Variants in FAM222B observed in about 807,000 individuals in gnomAD.
FAM222B encodes the protein protein FAM222B.
Under a neutral mutation model 38.0 loss-of-function variants are expected in FAM222B, and 12 were observed. That is an observed-to-expected ratio of 0.32 (90% CI 0.20 to 0.51). The LOEUF is 0.51. Among genes scored for constraint, FAM222B ranks in the 20% least tolerant of loss-of-function variants. FAM222B has a pLI of 0.97. For synonymous variants in FAM222B, 329 were observed against 317.2 expected (o/e 1.04, Z -0.40); for missense variants, 716 against 754.2 (o/e 0.95, Z 0.59).
At chr17:28,813,868 T>C (rs897733498) in intron 1 of FAM222B, among the ~76,000 whole-genome samples, 18 of 150,476 alleles carry the variant, frequency 1.2e-4, no homozygotes, top group Non-Finnish European at 2.2e-4. Flanking sequence ...TTTTAAACAC[T>C]GTGGTATATT....
At chr17:28,771,638 G>A (rs1332616966) in intron 1 of FAM222B, among the ~76,000 whole-genome samples, 2 of 152,092 alleles carry the variant, frequency 1.3e-5, no homozygotes, top group Non-Finnish European at 2.9e-5. Context: ...CTGAGATTTT[G>A]CCACTGCACA....
chr17:28,787,949 C>T (rs1013614022), intron 1 of FAM222B, among the ~76,000 whole-genome samples: 1 of 151,676 alleles, frequency 6.6e-6, no homozygotes, highest in Non-Finnish European at 1.5e-5. Context: ...CTCAGCCTCC[C>T]GAGTGGCTAG....
chr17:28,853,937 GTTTCTT>G (rs1274451879), intron 1 of FAM222B, among the ~76,000 whole-genome samples: 4 of 135,946 alleles, frequency 2.9e-5, no homozygotes, highest in Non-Finnish European at 4.7e-5. Flanking sequence ...GTTTATCTCT[GTTTCTT>G]TTTTTTTTTT....
At chr17:28,801,688 C>T (rs1347700566) in intron 1 of FAM222B, among the ~76,000 whole-genome samples, 2 of 151,990 alleles carry the variant, frequency 1.3e-5, no homozygotes, top group Non-Finnish European at 2.9e-5. Flanking sequence ...AGGGTCCATA[C>T]AGGAACCCAG....
At chr17:28,764,645 G>A (rs1421724018) in intron 2 of FAM222B, among the ~76,000 whole-genome samples, 1 of 150,908 alleles carries the variant, frequency 6.6e-6, no homozygotes, top group Non-Finnish European at 1.5e-5. Flanking sequence ...CTACTCAAGA[G>A]GCTGAGGTAG....
intron 1 of FAM222B, among the ~76,000 whole-genome samples, chr17:28,841,892 T>G (rs111483545): frequency 2.0e-5 from 3 of 152,214 alleles, no homozygotes; most frequent in South Asian, 2.1e-4. Context: ...TGGTCTGCTG[T>G]GCCCATAAAG....
rs532126220 is a variant in FAM222B at position 28,759,414 on chromosome 17, T to C, written c.545A>G (p.Gln182Arg). The change falls in exon 3 of 3, where the codon CAG (glutamine) becomes CGG (arginine). Residue 182 changes from glutamine (Q) to arginine (R), a missense_variant. Physicochemically the swap from Gln to Arg is conservative, Grantham distance 43 (BLOSUM62 1). Coordinates refer to ENST00000581407, the MANE Select transcript of FAM222B (RefSeq NM_001077498.3). The surrounding 1 kb of genome is among the most constrained non-coding windows in gnomAD (Gnocchi z 4.8). ...LQHPQGIPPP[Q>R]ALSHPQSLQQ... ...GAGGCTCTGAGGGTGGGACAGTGCCTGGGGTGGCGGGATACCCTGAGGGTG... is the reference window on the plus strand; with the variant it reads ...GAGGCTCTGAGGGTGGGACAGTGCCCGGGGTGGCGGGATACCCTGAGGGTG... 6.3e-7 allele frequency: 1 copy of C among 1,575,864 alleles called. No homozygotes were observed. Among genetic ancestry groups the C allele is most frequent in the Non-Finnish European group, 8.6e-7 (1 of 1,166,036 alleles).
At chr17:28,809,700 G>A (rs997758673) in intron 1 of FAM222B, among the ~76,000 whole-genome samples, 1 of 152,108 alleles carries the variant, frequency 6.6e-6, no homozygotes, top group Non-Finnish European at 1.5e-5. Flanking sequence ...GGCGTGGAGG[G>A]GTGCAGTGGC....
intron 1 of FAM222B, among the ~76,000 whole-genome samples, chr17:28,842,466 C>A (rs2039078497): frequency 6.6e-6 from 1 of 152,172 alleles, no homozygotes; most frequent in African/African-American, 2.4e-5. Context: ...CTTCACTCCA[C>A]AGCACGCAAC....
intron 1 of FAM222B, among the ~76,000 whole-genome samples, chr17:28,770,940 T>C (rs1250850679): frequency 6.6e-6 from 1 of 150,582 alleles, no homozygotes; most frequent in African/African-American, 2.4e-5. Flanking sequence ...TAAGAGGCAA[T>C]TATATATATA....
intron 1 of FAM222B, among the ~76,000 whole-genome samples, chr17:28,850,812 A>T (rs2152638158): frequency 6.6e-6 from 1 of 152,202 alleles, no homozygotes; most frequent in African/African-American, 2.4e-5. Context: ...TCTTTCTATA[A>T]AAATCAAAAA....
rs571672083 is a variant in FAM222B at position 28,767,801 on chromosome 17, A to T, written c.-40-1094T>A. ...GAACTCACTTTTAAATGGAAGGAGG[A>T]AAGCATCCTAGGAGGCACAATTAAC... On this transcript the variant is annotated intron_variant, in intron 1 of 2. Coordinates refer to ENST00000581407, the MANE Select transcript of FAM222B (RefSeq NM_001077498.3). Among the ~76,000 whole-genome samples, 7 of 152,150 alleles carry T rather than the reference A, an allele frequency of 4.6e-5. No homozygotes were observed. In the South Asian group the frequency reaches 1.2e-3, roughly 27 times the overall value.
At chr17:28,813,926 C>A (rs955368136) in intron 1 of FAM222B, among the ~76,000 whole-genome samples, 4 of 151,614 alleles carry the variant, frequency 2.6e-5, no homozygotes, top group Non-Finnish European at 5.9e-5. Context: ...TTTAAGAAAA[C>A]TGGCCGGGCG....
chr17:28,815,450 G>A (rs915119345), intron 1 of FAM222B, among the ~76,000 whole-genome samples: 8 of 151,994 alleles, frequency 5.3e-5, no homozygotes, highest in African/African-American at 9.7e-5. Flanking sequence ...TCTTGACCTC[G>A]TAATCCGCCC....
Position 28,759,826 on chromosome 17 carries a change from A to G in FAM222B, c.133T>C (p.Leu45=), listed in dbSNP as rs1310868695. The G allele has an allele frequency of 2.5e-6, 4 of 1,585,276 alleles. No individual in the cohort carries two copies. Among genetic ancestry groups the G allele is most frequent in the Middle Eastern group, 1.6e-4 (1 of 6,062 alleles). The change falls in exon 3 of 3, where the codon TTG becomes CTG. Residue 45 remains leucine (L), a synonymous_variant. Transcript: ENST00000581407. This position sits in a 1 kb window ranked among gnomAD's most constrained non-coding sequence, Gnocchi z 4.8. Reference sequence around the variant, plus strand: ...GCGACCTTCTTAGCATACGCATCCAATTCGGCTGGGGTAGGATAGTGAGCA... The same window carrying G: ...GCGACCTTCTTAGCATACGCATCCAGTTCGGCTGGGGTAGGATAGTGAGCA... ...RTAHYPTPAE[L]DAYAKKVANN... is the part of the protein sequence containing the mutation.
intron 1 of FAM222B, among the ~76,000 whole-genome samples, chr17:28,840,728 G>A (rs995674053): frequency 6.6e-6 from 1 of 152,064 alleles, no homozygotes; most frequent in Non-Finnish European, 1.5e-5. Flanking sequence ...AGGCTGGGGC[G>A]GGCGGATCAC....
intron 1 of FAM222B, among the ~76,000 whole-genome samples, chr17:28,836,500 C>A (rs2038850274): frequency 6.6e-6 from 1 of 151,992 alleles, no homozygotes; most frequent in South Asian, 2.1e-4. Flanking sequence ...GGAGCTTCGG[C>A]AAGACTCACG....
At chr17:28,796,301 A>C (rs1327865794) in intron 1 of FAM222B, among the ~76,000 whole-genome samples, 1 of 152,236 alleles carries the variant, frequency 6.6e-6, no homozygotes. Context: ...TGCAAATGAA[A>C]CTGCTAATGA....
intron 1 of FAM222B, among the ~76,000 whole-genome samples, chr17:28,818,104 C>T (rs375869893): frequency 3.1e-4 from 47 of 152,070 alleles, no homozygotes; most frequent in African/African-American, 1.1e-3. Context: ...GTGGTTTATA[C>T]TTCTAGCTAC....
Sources: gnomAD v4.1 joint callset for allele counts (sites outside exome capture counted in the v4.1 genomes callset) on GRCh38, gnomAD v4.1.1 for gene constraint, Gnocchi (gnomAD v3.1) non-coding constraint, MANE v1.5 for transcripts, NCBI Gene and HGNC (gene_info 2026-07-23, HGNC 2026-07-21) for gene names.